Variants in FUT9 observed in about 807,000 individuals in gnomAD.
FUT9 encodes the protein fucosyltransferase 9, also known as 4-galactosyl-N-acetylglucosaminide 3-alpha-L-fucosyltransferase 9.
A neutral mutation model predicts 29.7 loss-of-function variants in FUT9; 15 were observed. The ratio of observed to expected loss-of-function variants is 0.51; its 90% CI spans 0.34 to 0.78. The LOEUF (loss-of-function observed/expected upper bound fraction) is 0.78, where lower values mean the gene tolerates loss of function less well. Among genes scored for constraint, FUT9 ranks in the 30% least tolerant of loss-of-function variants. FUT9 has a pLI of 0.01. For synonymous variants in FUT9, 169 were observed against 153.7 expected (o/e 1.10, Z -0.74); for missense variants, 319 against 425.4 (o/e 0.75, Z 2.20).
chr6:96,136,749 C>G (rs1288084513), intron 2 of FUT9, among the ~76,000 whole-genome samples: 1 of 151,848 alleles, frequency 6.6e-6, no homozygotes, highest in Non-Finnish European at 1.5e-5. Flanking sequence ...TGGTAAAGCT[C>G]TGTGTTTGAG....
At chr6:96,019,121 A>G (rs1030837681) in intron 1 of FUT9, among the ~76,000 whole-genome samples, 7 of 151,966 alleles carry the variant, frequency 4.6e-5, no homozygotes, top group African/African-American at 1.7e-4. Context: ...ATCAGAGGCA[A>G]ACCATTTTGT....
intron 1 of FUT9, among the ~76,000 whole-genome samples, chr6:96,054,913 T>C (rs9377335): frequency 0.022 from 3,393 of 152,304 alleles, 65 homozygotes; most frequent in East Asian, 0.08. Context: ...GTCATTTTCA[T>C]TTTTATCCTT....
intron 1 of FUT9, among the ~76,000 whole-genome samples, chr6:96,078,401 T>C (rs901312393): frequency 2.9e-5 from 4 of 139,080 alleles, no homozygotes; most frequent in African/African-American, 1.0e-4. Context: ...TCTTTCATAT[T>C]AGTCTTCTTT....
rs1287166992 is a variant in FUT9, at chr6:96,054,311, G to A, written c.-98+38099G>A. 5.9e-5 allele frequency among the ~76,000 whole-genome samples: 9 copies of A among 152,176 alleles called. No individual in the cohort carries two copies. In the South Asian group the frequency reaches 1.0e-3, roughly 18 times the overall value. The stretch of plus-strand genomic sequence containing the variant: ...TAGGTTGGTCCTTATGGACCATACA[G>A]TATGACAGCTGTTTACTGTAGTATT... On this transcript the variant is annotated intron_variant, in intron 1 of 2. Coordinates refer to ENST00000302103, the MANE Select transcript of FUT9 (RefSeq NM_006581.4).
intron 1 of FUT9, chr6:96,037,353 T>A (rs1184363518): frequency 2.0e-5 from 3 of 152,078 alleles, no homozygotes; most frequent in Non-Finnish European, 4.4e-5. Context: ...CCAGGGGCTT[T>A]GATTGTACTA....
intron 2 of FUT9, among the ~76,000 whole-genome samples, chr6:96,138,327 A>G (rs1216706411): frequency 6.6e-6 from 1 of 152,036 alleles, no homozygotes; most frequent in African/African-American, 2.4e-5. Flanking sequence ...CTTGGTTTTT[A>G]TTGTTTACTC....
intron 1 of FUT9, among the ~76,000 whole-genome samples, chr6:96,042,224 A>G (rs959006520): frequency 1.2e-4 from 18 of 152,154 alleles, no homozygotes; most frequent in Admixed American, 1.1e-3. Context: ...CATCACAACC[A>G]GCAACTATGG....
chr6:96,042,056 G>A lies in FUT9; in HGVS notation c.-98+25844G>A, dbSNP rs1770470916. Among the ~76,000 whole-genome samples the A allele has an allele frequency of 2.0e-5, 3 of 152,184 alleles. 1 individual carries two copies. In the South Asian group the frequency reaches 6.2e-4, roughly 32 times the overall value. ...AATAGAAACCATCCTATAACTTTCA[G>A]TTATTTCCAGACTCTCTGCTCAGTT... is the stretch of plus-strand genomic sequence containing the variant. On this transcript the variant is annotated intron_variant, in intron 1 of 2. Transcript: ENST00000302103.
intron 1 of FUT9, among the ~76,000 whole-genome samples, chr6:96,041,145 AT>A: frequency 6.6e-6 from 1 of 150,950 alleles, no homozygotes; most frequent in South Asian, 2.1e-4. Context: ...TTGTACATGT[AT>A]TTACACATCA....
intron 1 of FUT9, among the ~76,000 whole-genome samples, chr6:96,052,793 A>G (rs1031863963): frequency 6.6e-6 from 1 of 152,162 alleles, no homozygotes; most frequent in East Asian, 1.9e-4. Flanking sequence ...TTTTTGAAAC[A>G]TTAAGAAAAA....
rs556200418 is a variant in FUT9 at position 96,066,408 on chromosome 6, G to C, written c.-97-47631G>C. Among the ~76,000 whole-genome samples the C allele has an allele frequency of 3.9e-5, 6 of 152,142 alleles. No individual in the cohort carries two copies. In the East Asian group the frequency reaches 1.2e-3, roughly 29 times the overall value. ...ATTATAAGCATTATGATTCTAACAA[G>C]TATACTGATTGCTCTACACATTGTC... is the stretch of plus-strand genomic sequence containing the variant. On this transcript the variant is annotated intron_variant, in intron 1 of 2. Coordinates refer to ENST00000302103, the MANE Select transcript of FUT9 (RefSeq NM_006581.4).
intron 2 of FUT9, among the ~76,000 whole-genome samples, chr6:96,133,180 G>T (rs532522180): frequency 2.0e-5 from 3 of 151,874 alleles, no homozygotes; most frequent in South Asian, 2.1e-4. Context: ...TGGACCATTT[G>T]TATGCGTGTG....
intron 1 of FUT9, among the ~76,000 whole-genome samples, chr6:96,067,506 G>A (rs550080633): frequency 1.3e-5 from 2 of 152,198 alleles, no homozygotes; most frequent in African/African-American, 2.4e-5. Context: ...ATTGGAAGTG[G>A]GAAGTCTTTG....
At chr6:96,152,069 C>A (rs1374051176) in intron 2 of FUT9, among the ~76,000 whole-genome samples, 5 of 152,214 alleles carry the variant, frequency 3.3e-5, no homozygotes, top group African/African-American at 1.2e-4. Context: ...TGAAACTGTT[C>A]CCATTTTTAC....
intron 1 of FUT9, among the ~76,000 whole-genome samples, chr6:96,078,408 CT>C (rs71012536): frequency 8.3e-3 from 365 of 44,106 alleles, no homozygotes; most frequent in African/African-American, 0.014. Context: ...TATTAGTCTT[CT>C]TTTTTTTTTT....
At chr6:96,074,784 G>GT (rs35989355) in intron 1 of FUT9, among the ~76,000 whole-genome samples, 9 of 151,684 alleles carry the variant, frequency 5.9e-5, no homozygotes, top group African/African-American at 1.7e-4. Flanking sequence ...TTTAATTATT[G>GT]TTTTTTTTAA....
chr6:96,138,755 T>A (rs1005674275), intron 2 of FUT9, among the ~76,000 whole-genome samples: 3 of 151,988 alleles, frequency 2.0e-5, no homozygotes, highest in East Asian at 1.9e-4. Flanking sequence ...CATAACAGAT[T>A]TTTTTTAAGT....
At chr6:96,163,272 T>C (rs970943587) in intron 2 of FUT9, among the ~76,000 whole-genome samples, 1 of 125,638 alleles carries the variant, frequency 8.0e-6, no homozygotes, top group African/African-American at 2.7e-5. Flanking sequence ...AGTAACTACT[T>C]CCAAGCTCTT....
intron 1 of FUT9, among the ~76,000 whole-genome samples, chr6:96,062,189 T>C (rs1472957221): frequency 6.6e-6 from 1 of 150,634 alleles, no homozygotes; most frequent in Non-Finnish European, 1.5e-5. Context: ...TAAACTGTAA[T>C]AATGAAAAAA....
Sources: allele counts gnomAD v4.1 joint callset (sites outside exome capture counted in the v4.1 genomes callset), GRCh38; gene constraint gnomAD v4.1.1; transcripts MANE v1.5; gene names NCBI Gene and HGNC (gene_info 2026-07-23, HGNC 2026-07-21).